GAK: variants seen among roughly 807,000 people sequenced by gnomAD.
GAK encodes cyclin-G-associated kinase.
A neutral mutation model predicts 143.9 loss-of-function variants in GAK; 79 were observed. The observed-to-expected ratio is 0.55, with a 90% confidence interval of 0.46 to 0.66. The LOEUF is 0.66. GAK is among the 30% of genes least tolerant of loss of function. The pLI, the probability that GAK is intolerant of heterozygous loss-of-function variation, is 0.00. For missense variants in GAK, 1,693 were observed against 1,779.7 expected, an observed-to-expected ratio of 0.95 and a Z score of 0.88; for synonymous variants, 881 against 765.5, an observed-to-expected ratio of 1.15 and a Z score of -2.49.
At chr4:872,793 C>T (rs1712962184) in intron 18 of GAK, 1 of 152,966 alleles carries the variant, frequency 6.5e-6, no homozygotes, top group African/African-American at 2.4e-5. Context: ...GCTGGCCACT[C>T]CCGAGAGCCC....
At chr4:859,767 GA>G in intron 23 of GAK, 45 bp from the exon 24 acceptor site, 1 of 1,377,620 alleles carries the variant, frequency 7.3e-7, no homozygotes, top group Non-Finnish European at 1.0e-6. Context: ...CATCTGAAGC[GA>G]AACACATCCT....
chr4:905,587 A>G (rs1720934607), intron 4 of GAK, among the ~76,000 whole-genome samples: 1 of 145,478 alleles, frequency 6.9e-6, no homozygotes, highest in South Asian at 2.2e-4. Context: ...GCCACGCCCC[A>G]GGCCACGTTA....
At chr4:862,905 G>A (rs1227866051) in intron 23 of GAK, among the ~76,000 whole-genome samples, 1 of 152,226 alleles carries the variant, frequency 6.6e-6, no homozygotes, top group Non-Finnish European at 1.5e-5. Context: ...TTTCATGCCT[G>A]CTAACACAAC....
rs1715529213 is a variant in GAK at position 883,247 on chromosome 4, C to T, written c.1404+68G>A. On this transcript the variant is annotated intron_variant, in intron 13 of 27. Transcript: ENST00000314167. Reference sequence around the variant, plus strand: ...GCCCCACCCTGGCCAAAGCCCTCAGCTATGCCCCTGCACTGGAGCGGAAGG... The same window carrying T: ...GCCCCACCCTGGCCAAAGCCCTCAGTTATGCCCCTGCACTGGAGCGGAAGG... The T allele has an allele frequency of 2.2e-5, 34 of 1,570,082 alleles. 1 individual carries two copies. The South Asian group carries it at 3.7e-4, about 17-fold the overall frequency.
intron 8 of GAK, among the ~76,000 whole-genome samples, 163 bp downstream of exon 8, chr4:893,711 G>T (rs978103342): frequency 8.7e-6 from 1 of 114,770 alleles, no homozygotes; most frequent in Non-Finnish European, 1.9e-5. Flanking sequence ...GGGCGGCAGG[G>T]GAGCTCTCTG....
rs755494063 is a variant in GAK at position 859,600 on chromosome 4, C to T, written c.3283+6G>A. On this transcript the variant is annotated splice_donor_region_variant and intron_variant, in intron 24 of 27. Coordinates refer to ENST00000314167, the MANE Select transcript of GAK (RefSeq NM_005255.4). ...TTCCACACCCCCAAAGTGCCCTCCACGTTACCTTGGAGGCCGGAGCTGAGG... is the reference window on the plus strand; with the variant it reads ...TTCCACACCCCCAAAGTGCCCTCCATGTTACCTTGGAGGCCGGAGCTGAGG... The T allele has an allele frequency of 6.9e-6, 11 of 1,592,978 alleles. 1 individual carries two copies. The highest frequency in any genetic ancestry group is 4.5e-5 in the East Asian group (2 of 44,242).
intron 24 of GAK, among the ~76,000 whole-genome samples, chr4:856,460 TCACCACAGCTGCTCAC>T (rs1412491057): frequency 6.4e-5 from 9 of 140,352 alleles, no homozygotes; most frequent in East Asian, 2.2e-4. Context: ...CTACAGCTGC[TCACCACAGCTGCTCAC>T]CACCACAGCT....
intron 5 of GAK, among the ~76,000 whole-genome samples, chr4:903,711 G>C (rs537613405): frequency 7.7e-6 from 1 of 129,620 alleles, no homozygotes; most frequent in Admixed American, 7.3e-5. Flanking sequence ...GGGGCGGTGG[G>C]GGGGCGGCCG....
intron 5 of GAK, among the ~76,000 whole-genome samples, chr4:903,291 G>A (rs961647581): frequency 6.6e-5 from 10 of 152,118 alleles, no homozygotes; most frequent in African/African-American, 1.7e-4. Context: ...GCCACGCCTC[G>A]GAGAAACCCG....
At chr4:910,012 T>C (rs1721765594) in intron 4 of GAK, among the ~76,000 whole-genome samples, 1 of 151,266 alleles carries the variant, frequency 6.6e-6, no homozygotes, top group African/African-American at 2.4e-5. Context: ...CAACAGGCGC[T>C]GGAGGGCCGC....
intron 1 of GAK, among the ~76,000 whole-genome samples, chr4:915,049 C>T (rs1464171892): frequency 2.9e-5 from 4 of 135,716 alleles, no homozygotes; most frequent in African/African-American, 5.5e-5. Context: ...CCAGCGCACA[C>T]GGCCAACACA....
intron 9 of GAK, among the ~76,000 whole-genome samples, chr4:893,060 T>TG (rs1717982123): frequency 1.3e-5 from 2 of 151,720 alleles, no homozygotes; most frequent in Non-Finnish European, 2.9e-5. Context: ...CTCCTCTCTG[T>TG]GGGGGGATTT....
intron 18 of GAK, among the ~76,000 whole-genome samples, chr4:873,466 C>G (rs1713144961): frequency 1.3e-5 from 2 of 150,186 alleles, no homozygotes; most frequent in Admixed American, 6.6e-5. Flanking sequence ...CTGAAGTTTG[C>G]AAAACTCAGG....
At chr4:910,181 C>A (rs1358978171) in intron 4 of GAK, among the ~76,000 whole-genome samples, 5 of 152,164 alleles carry the variant, frequency 3.3e-5, no homozygotes, top group Non-Finnish European at 5.9e-5. Context: ...CCCAACAGGG[C>A]ACTGACAGGT....
chr4:891,799 C>A (rs1421551389), intron 9 of GAK, among the ~76,000 whole-genome samples: 2 of 152,172 alleles, frequency 1.3e-5, no homozygotes, highest in African/African-American at 2.4e-5. Context: ...GGACACGAGG[C>A]CCAGGCTGCT....
At chr4:871,196 C>T (rs530997606) in intron 18 of GAK, among the ~76,000 whole-genome samples, 1 of 152,362 alleles carries the variant, frequency 6.6e-6, no homozygotes, top group East Asian at 1.9e-4. Flanking sequence ...GTGTTCAAGG[C>T]AGAGGGGCAC....
At chr4:929,436 C>G (rs1209745582) in intron 1 of GAK, among the ~76,000 whole-genome samples, 1 of 152,176 alleles carries the variant, frequency 6.6e-6, no homozygotes, top group Non-Finnish European at 1.5e-5. Context: ...TCCCTGCAGT[C>G]AGGGCACCAC....
In GAK at chr4:915,136, G is replaced by A. The variant is rs868038294; in HGVS notation, c.146-1468C>T. 5.8e-4 allele frequency among the ~76,000 whole-genome samples: 62 copies of A among 107,308 alleles called. 1 individual carries two copies. Among genetic ancestry groups the A allele is most frequent in the African/African-American group, 2.0e-3 (54 of 26,846 alleles). 70.4% of individuals were successfully genotyped at this position (107,308 alleles called of 152,430 possible). A position where few individuals can be genotyped will look rare whatever the true frequency, so the allele number is the denominator to read the frequency against. ...CCCCGCACTCAGCCCCAGCGTGCAC[G>A]GCCCCACACACACAGCCCCAGTATA... On this transcript the variant is annotated intron_variant, in intron 1 of 27. Transcript: ENST00000314167.
At chr4:871,798 T>TAA (rs887693214) in intron 18 of GAK, among the ~76,000 whole-genome samples, 30 of 152,148 alleles carry the variant, frequency 2.0e-4, no homozygotes, top group African/African-American at 7.0e-4. Context: ...GCCCCACAGC[T>TAA]CTCTAAGGAA....
Sources: allele counts gnomAD v4.1 joint callset (sites outside exome capture counted in the v4.1 genomes callset), GRCh38; gene constraint gnomAD v4.1.1; transcripts MANE v1.5; gene names NCBI Gene and HGNC (gene_info 2026-07-23, HGNC 2026-07-21).